MDGA1: variants seen among roughly 807,000 people sequenced by gnomAD.
The protein encoded by MDGA1 is MAM domain containing glycosylphosphatidylinositol anchor 1.
MDGA1 carries 54 observed loss-of-function variants against 101.5 expected under a neutral mutation model. That is an observed-to-expected ratio of 0.53 (90% CI 0.43 to 0.67). The LOEUF is 0.67. Among genes scored for constraint, MDGA1 ranks in the 30% least tolerant of loss-of-function variants. The pLI is 0.00. For synonymous variants in MDGA1, 533 were observed against 558.3 expected (o/e 0.95, Z 0.64); for missense variants, 1,083 against 1,323.8 (o/e 0.82, Z 2.82).
intron 14 of MDGA1, among the ~76,000 whole-genome samples, chr6:37,642,602 C>T (rs932631020): frequency 6.6e-6 from 1 of 152,150 alleles, no homozygotes; most frequent in Non-Finnish European, 1.5e-5. Context: ...ACCTTTTGGC[C>T]TTTGTGAAAT....
At chr6:37,657,166 AT>A (rs773481475) in intron 3 of MDGA1, among the ~76,000 whole-genome samples, 7,537 of 151,976 alleles carry the variant, frequency 0.05, 355 homozygotes, top group East Asian at 0.22. Context: ...CTTTAAAAAA[AT>A]AATTAAAAAG....
chr6:37,641,198 T>C (rs1764068253), intron 14 of MDGA1, among the ~76,000 whole-genome samples: 1 of 152,118 alleles, frequency 6.6e-6, no homozygotes, highest in Admixed American at 6.5e-5. Context: ...CAGGTAACAT[T>C]TGGTGGCTCT....
At chr6:37,649,693 G>A (rs897321872) in intron 8 of MDGA1, among the ~76,000 whole-genome samples, 7 of 152,106 alleles carry the variant, frequency 4.6e-5, no homozygotes, top group Admixed American at 4.6e-4. Flanking sequence ...TAAAAATGGG[G>A]GAATAATAGA....
chr6:37,682,957 C>T (rs1203438190), intron 1 of MDGA1, among the ~76,000 whole-genome samples: 2 of 152,166 alleles, frequency 1.3e-5, no homozygotes, highest in Admixed American at 6.5e-5. Flanking sequence ...GGGAAGTAGA[C>T]AGAATGCAGT....
chr6:37,672,946 A>AC (rs907700136), intron 1 of MDGA1, among the ~76,000 whole-genome samples: 1 of 73,286 alleles, frequency 1.4e-5, no homozygotes, highest in Non-Finnish European at 2.8e-5. Flanking sequence ...GTCTCCCCCC[A>AC]CCCCCCATCC....
intron 2 of MDGA1, among the ~76,000 whole-genome samples, chr6:37,661,890 C>T (rs1460528356): frequency 6.6e-6 from 1 of 151,954 alleles, no homozygotes; most frequent in Non-Finnish European, 1.5e-5. Flanking sequence ...TGCAATGGCT[C>T]ATGCCCGTAA....
chr6:37,645,786 T>C, intron 12 of MDGA1, 147 bp downstream of exon 12: 1 of 942,868 alleles, frequency 1.1e-6, no homozygotes, highest in Non-Finnish European at 1.6e-6. Flanking sequence ...CTTCTCCTTC[T>C]AGCCTCTGGC....
intron 2 of MDGA1, among the ~76,000 whole-genome samples, chr6:37,660,361 T>C (rs1184814655): frequency 6.6e-6 from 1 of 152,110 alleles, no homozygotes; most frequent in Non-Finnish European, 1.5e-5. Flanking sequence ...TATTCATTCC[T>C]TCTGGAATGC....
intron 14 of MDGA1, chr6:37,641,867 G>A (rs1274455016): frequency 6.6e-6 from 1 of 152,138 alleles, no homozygotes; most frequent in Non-Finnish European, 1.5e-5. Flanking sequence ...CTGTGCAAAT[G>A]GTTTGGGAGC....
In MDGA1 at chr6:37,644,502, G is replaced by A. The variant is rs375298384; in HGVS notation, c.2396C>T (p.Pro799Leu). The A allele has an allele frequency of 3.5e-5, 56 of 1,577,726 alleles. No individual in the cohort carries two copies. The highest frequency in any genetic ancestry group is 4.6e-5 in the Non-Finnish European group (54 of 1,161,490). The change falls in exon 13 of 17, where the codon CCT becomes CTT. Residue 799 changes from proline (P) to leucine (L), a missense_variant. Pro to Leu is a moderately conservative substitution (Grantham distance 98). Around this residue, in one of 3 missense-constraint regions of MDGA1, gnomAD observed 657 missense variants for 771.4 expected, o/e 0.85. Transcript: ENST00000434837. ...GCAGCAGGCCAGGTCCTCACCCTCA[G>A]GGGTGCCACTTATGTCGGTGGGGGG... ...TGPPTDISGT[P>L]EGYYMFIETS...
intron 3 of MDGA1, among the ~76,000 whole-genome samples, chr6:37,657,735 G>A (rs1044916612): frequency 6.6e-6 from 1 of 152,214 alleles, no homozygotes; most frequent in South Asian, 2.1e-4. Flanking sequence ...AGGATTACCC[G>A]TGGAGAGCAG....
chr6:37,680,567 C>T (rs1015396377), intron 1 of MDGA1, among the ~76,000 whole-genome samples: 5 of 152,260 alleles, frequency 3.3e-5, no homozygotes, highest in African/African-American at 7.2e-5. Flanking sequence ...GTACTTAATA[C>T]GACCAGAGTT....
rs1581846532 is a variant in MDGA1, at chr6:37,644,528, A to T, written c.2370T>A (p.Gly790=). ...TQNPKRSPNT[G]PPTDISGTPE... ...GGGTGCCACTTATGTCGGTGGGGGGACCAGTGTTGGGGGAGCGTTTGGGGT... is the reference window on the plus strand; with the variant it reads ...GGGTGCCACTTATGTCGGTGGGGGGTCCAGTGTTGGGGGAGCGTTTGGGGT... The change falls in exon 13 of 17, where the codon GGT becomes GGA. Residue 790 remains glycine (G), a synonymous_variant. Transcript: ENST00000434837. The T allele has an allele frequency of 6.3e-6, 10 of 1,591,880 alleles. No homozygotes were observed. The highest frequency in any genetic ancestry group is 6.8e-6 in the Non-Finnish European group (8 of 1,169,774).
intron 1 of MDGA1, among the ~76,000 whole-genome samples, chr6:37,672,278 C>T (rs1489000936): frequency 6.6e-6 from 1 of 151,156 alleles, no homozygotes; most frequent in Non-Finnish European, 1.5e-5. Flanking sequence ...TAGCAAGACC[C>T]CATCTCTAAA....
In MDGA1 at chr6:37,693,224, C is replaced by T. The variant is rs1050455524; in HGVS notation, c.67+3521G>A. On this transcript the variant is annotated intron_variant, in intron 1 of 16. Transcript: ENST00000434837. ...AGTTTCAAGGCATGGGGTAGGAACT[C>T]CAGTGAAAAACCTCAAGTGCCCACA... is the stretch of plus-strand genomic sequence containing the variant. Among the ~76,000 whole-genome samples the T allele has an allele frequency of 2.0e-5, 3 of 152,294 alleles. No homozygotes were observed. The Middle Eastern group carries it at 0.01, about 518-fold the overall frequency.
In MDGA1 at chr6:37,654,857, G is replaced by A. The variant is rs1236801209; in HGVS notation, c.655C>T (p.Arg219Cys). 15 of 1,613,682 alleles carry A rather than the reference G, an allele frequency of 9.3e-6. No individual in the cohort carries two copies. The highest frequency in any genetic ancestry group is 2.2e-5 in the East Asian group (1 of 44,886). ...TTGTCTGGGATGCCGCACACGTTAC[G>A]CACAGACACCTGGCAGGTGTAGCTG... Reference protein sequence around the residue: ...YASYTCQVSVRNVCGIPDKAI... With the variant: ...YASYTCQVSVCNVCGIPDKAI... The change falls in exon 5 of 17, where the codon CGT becomes TGT. Residue 219 changes from arginine (R) to cysteine (C), a missense_variant. Arg to Cys is a radical substitution (Grantham distance 180). Around this residue, in one of 3 missense-constraint regions of MDGA1, gnomAD observed 310 missense variants for 355.9 expected, o/e 0.87. Coordinates refer to ENST00000434837, the MANE Select transcript of MDGA1 (RefSeq NM_153487.4).
rs1336068342 is a variant in MDGA1 at position 37,697,764 on chromosome 6, G to A, written c.-953C>T. On this transcript the variant is annotated 5_prime_UTR_variant, in exon 1 of 17. Transcript: ENST00000434837. ...AGTTGGTCGTCCCCGCCCCCGCCCGGCGGCCTTGGCCTGCGGGGGCCCAGA... is the reference window on the plus strand; with the variant it reads ...AGTTGGTCGTCCCCGCCCCCGCCCGACGGCCTTGGCCTGCGGGGGCCCAGA... 6.7e-6 allele frequency: 1 copy of A among 149,172 alleles called. No individual in the cohort carries two copies. The highest frequency in any genetic ancestry group is 2.1e-4 in the South Asian group (1 of 4,816). The allele number at this position is 149,172 out of a possible 1,614,324, so 9.2% of individuals were successfully genotyped here.
intron 2 of MDGA1, among the ~76,000 whole-genome samples, chr6:37,662,042 A>G (rs1324692028): frequency 6.6e-6 from 1 of 151,726 alleles, no homozygotes; most frequent in Non-Finnish European, 1.5e-5. Context: ...GCATGCCTGT[A>G]GTCCCAGGTA....
intron 13 of MDGA1, 100 bp from the exon 14 acceptor site, chr6:37,644,043 G>A: frequency 6.8e-7 from 1 of 1,477,066 alleles, no homozygotes; most frequent in Admixed American, 2.1e-5. Flanking sequence ...TGAATCTGAA[G>A]TGCCTCGCCC....
Sources: gnomAD v4.1 joint callset for allele counts (sites outside exome capture counted in the v4.1 genomes callset) on GRCh38, gnomAD v4.1.1 for gene constraint, gnomAD v4.1.1 regional missense constraint, MANE v1.5 for transcripts, NCBI Gene and HGNC (gene_info 2026-07-23, HGNC 2026-07-21) for gene names.